Variants in PLXNB2 observed in about 807,000 individuals in gnomAD.
The protein encoded by PLXNB2 is plexin B2, also known as plexin-B2.
A neutral mutation model predicts 202.6 loss-of-function variants in PLXNB2; 85 were observed. The observed-to-expected ratio is 0.42, with a 90% CI of 0.35 to 0.50. The LOEUF (loss-of-function observed/expected upper bound fraction) is 0.50. Among genes scored for constraint, PLXNB2 ranks in the 20% least tolerant of loss-of-function variants. PLXNB2 has a pLI of 0.02. For missense variants in PLXNB2, 2,063 were observed against 2,586.2 expected (o/e 0.80, Z 4.39); for synonymous variants, 1,239 against 1,137.6 (o/e 1.09, Z -1.79).
In PLXNB2 at chr22:50,291,104, G is replaced by C. The variant is rs2147548688; in HGVS notation, c.-13-507C>G. Among the ~76,000 whole-genome samples the C allele has an allele frequency of 2.6e-5, 4 of 152,330 alleles. No individual in the cohort carries two copies. In the South Asian group the frequency reaches 8.3e-4, roughly 32 times the overall value. ...CACGGGAAACCAGAGGCTCAGGTGAGAGCGAGGGGTGCCCTGTGCATAGCC... is the reference window on the plus strand; with the variant it reads ...CACGGGAAACCAGAGGCTCAGGTGACAGCGAGGGGTGCCCTGTGCATAGCC... On this transcript the variant is annotated intron_variant, in intron 2 of 36. Coordinates refer to ENST00000359337, the MANE Select transcript of PLXNB2 (RefSeq NM_012401.4). The surrounding 1 kb of genome is among the most constrained non-coding windows in gnomAD (Gnocchi z 4.3).
intron 35 of PLXNB2, 148 bp from the exon 36 acceptor site, chr22:50,276,111 C>T (rs968566526): frequency 2.9e-6 from 2 of 681,908 alleles, no homozygotes; most frequent in South Asian, 1.6e-5. Flanking sequence ...CCCCATGTGG[C>T]ACAGCCTCAG....
At chr22:50,307,468 G>A (rs1055914486) in intron 1 of PLXNB2, 85 bp downstream of exon 1, 10 of 771,704 alleles carry the variant, frequency 1.3e-5, no homozygotes, top group Non-Finnish European at 1.6e-5. Flanking sequence ...CAGCGCGGCA[G>A]GCCCGGGCGG....
intron 18 of PLXNB2, 29 bp downstream of exon 18, chr22:50,282,682 A>T (rs1468978762): frequency 9.9e-6 from 15 of 1,516,362 alleles, no homozygotes; most frequent in Non-Finnish European, 1.4e-5. Context: ...TGTGGGGAGC[A>T]GAGGGGGGCG....
In PLXNB2 at chr22:50,289,285, C is replaced by G; in HGVS notation, c.1069-143G>C. 4.3e-6 allele frequency: 4 copies of G among 931,498 alleles called. No individual in the cohort carries two copies. Among genetic ancestry groups the G allele is most frequent in the Non-Finnish European group, 6.3e-6 (4 of 639,360 alleles). 57.7% of individuals were successfully genotyped at this position (931,498 alleles called of 1,614,324 possible). A position where few individuals can be genotyped will look rare whatever the true frequency, so the allele number is the denominator to read the frequency against. On this transcript the variant is annotated intron_variant, in intron 3 of 36. Coordinates refer to ENST00000359337, the MANE Select transcript of PLXNB2 (RefSeq NM_012401.4). The surrounding 1 kb of genome is among the most constrained non-coding windows in gnomAD (Gnocchi z 8.0). Reference sequence around the variant, plus strand: ...GTCCCCGAGAACAGAACCCACATGGCAGGGAGCCCCACCGTGCTCACTGTT... The same window carrying G: ...GTCCCCGAGAACAGAACCCACATGGGAGGGAGCCCCACCGTGCTCACTGTT...
chr22:50,278,368 C>T (rs1601677807), intron 30 of PLXNB2, 67 bp downstream of exon 30: 1 of 1,565,540 alleles, frequency 6.4e-7, no homozygotes, highest in Admixed American at 1.8e-5. Context: ...TGCATGTGTC[C>T]AGGGCAGACA....
chr22:50,283,081 G>A lies in PLXNB2; in HGVS notation c.2785C>T (p.Arg929Trp), dbSNP rs747944816. ...CACGGGACGCCGTTGAGGGTCACCC[G>A]CACGTCCTCCTGGGAGCCCGTGTCC... is the stretch of plus-strand genomic sequence containing the variant. ...HLDTGSQEDVRVTLNGVPCKV... is the reference protein window; with the variant it reads ...HLDTGSQEDVWVTLNGVPCKV... Residue 929 changes from arginine (R) to tryptophan (W), a missense_variant, in exon 17 of 37, where the codon CGG becomes TGG. Arg to Trp is a moderately radical substitution (Grantham distance 101). Coordinates refer to ENST00000359337, the MANE Select transcript of PLXNB2 (RefSeq NM_012401.4). The A allele has an allele frequency of 6.5e-5, 104 of 1,609,080 alleles. No individual in the cohort carries two copies. Among genetic ancestry groups the A allele is most frequent in the South Asian group, 4.4e-4 (40 of 90,350 alleles).
chr22:50,278,551 C>T, intron 29 of PLXNB2, 32 bp from the exon 30 acceptor site: 1 of 1,591,078 alleles, frequency 6.3e-7, no homozygotes. Flanking sequence ...GTGGGCTGTG[C>T]CCCCAGGGTG....
At chr22:50,281,249 G>T in intron 22 of PLXNB2, 60 bp from the exon 23 acceptor site, 2 of 1,568,582 alleles carry the variant, frequency 1.3e-6, no homozygotes, top group South Asian at 1.1e-5. Flanking sequence ...CTGCCCGGAT[G>T]AGGAGGTGGA....
intron 9 of PLXNB2, 28 bp downstream of exon 9, chr22:50,286,145 G>A: frequency 3.7e-6 from 6 of 1,610,254 alleles, no homozygotes; most frequent in South Asian, 1.1e-5. Flanking sequence ...GACGGGCAGG[G>A]TGGGGTCGAT....
Position 50,289,518 on chromosome 22 carries a change from G to A in PLXNB2, c.1067C>T (p.Pro356Leu), listed in dbSNP as rs565122764. 22 of 1,607,004 alleles carry A rather than the reference G, an allele frequency of 1.4e-5. No homozygotes were observed. In the African/African-American group the frequency reaches 2.1e-4, roughly 16 times the overall value. Reference sequence around the variant, plus strand: ...GCGAGAACACACTGAGGCCCATACCGGCGCGTGGCCGCCGCACTGGATATC... The same window carrying A: ...GCGAGAACACACTGAGGCCCATACCAGCGCGTGGCCGCCGCACTGGATATC... The part of the protein sequence containing the change: ...HGDIQCGGHA[P>L]GSSKSFPCGS... The change falls in exon 3 of 37, where the codon CCG becomes CTG. Residue 356 changes from proline to leucine, a missense_variant and splice_region_variant. Transcript: ENST00000359337. This position sits in a 1 kb window ranked among gnomAD's most constrained non-coding sequence, Gnocchi z 8.0.
chr22:50,283,871 T>G lies in PLXNB2; in HGVS notation c.2383A>C (p.Asn795His). Reference protein sequence around the residue: ...QSRCVYEALCNTTSECPPPVI... With the variant: ...QSRCVYEALCHTTSECPPPVI... The stretch of plus-strand genomic sequence containing the variant: ...GGCGGCGGGCACTCGGAGGTGGTGT[T>G]GCACAGGGCCTCATACACGCACCTG... Residue 795 changes from asparagine to histidine, a missense_variant, in exon 14 of 37, where the codon AAC becomes CAC. By Grantham distance (68) the Asn-to-His change is moderately conservative. Around this residue, in one of 2 missense-constraint regions of PLXNB2, gnomAD observed 1,303 missense variants for 1,476.8 expected, o/e 0.88. Coordinates refer to ENST00000359337, the MANE Select transcript of PLXNB2 (RefSeq NM_012401.4). The G allele has an allele frequency of 6.2e-7, 1 of 1,607,946 alleles. No homozygotes were observed. The highest frequency in any genetic ancestry group is 1.1e-5 in the South Asian group (1 of 90,260).
Position 50,276,103 on chromosome 22 carries a change from C to G in PLXNB2, c.5338-140G>C, listed in dbSNP as rs1245323832. On this transcript the variant is annotated intron_variant, in intron 35 of 36. Transcript: ENST00000359337. ...GGGCACAGCTGGCACTTGGGGCCCC[C>G]CATGTGGCACAGCCTCAGACAGACA... The G allele has an allele frequency of 5.6e-6, 4 of 710,500 alleles. No individual in the cohort carries two copies. In the Admixed American group the frequency reaches 8.8e-5, roughly 16 times the overall value. 44.0% of individuals were successfully genotyped at this position (710,500 alleles called of 1,614,324 possible).
chr22:50,287,940 C>T lies in PLXNB2; in HGVS notation c.1478G>A (p.Gly493Glu). The T allele has an allele frequency of 6.3e-7, 1 of 1,585,346 alleles. No individual in the cohort carries two copies. Among genetic ancestry groups the T allele is most frequent in the Non-Finnish European group, 8.6e-7 (1 of 1,167,066 alleles). ...CCGAGCCACCCCAGGCACTCACCGT[C>T]CCTCGACGACGCACCAGCCGCAGTA... ...DPYCGWCVVE[G>E]RCTRKAECPR... Residue 493 changes from glycine (G) to glutamate (E), a missense_variant, in exon 6 of 37, where the codon GGA (glycine) becomes GAA (glutamate). Gly to Glu is a moderately conservative substitution (Grantham distance 98, BLOSUM62 -2). Coordinates refer to ENST00000359337, the MANE Select transcript of PLXNB2 (RefSeq NM_012401.4).
rs370400977 is a variant in PLXNB2, at chr22:50,278,207, G to A, written c.4797C>T (p.Asp1599=). ...WHLVRPTDEV[D]EGKSKRGSVK... is the part of the protein sequence containing the mutation. The stretch of plus-strand genomic sequence containing the variant: ...CGCTGCCTCTCTTGGACTTGCCCTC[G>A]TCCACCTCGTCGGTCGGCCGCACCA... Residue 1599 remains aspartate, a synonymous_variant, in exon 31 of 37, where the codon GAC becomes GAT. Transcript: ENST00000359337. The A allele has an allele frequency of 1.2e-5, 19 of 1,608,850 alleles. No homozygotes were observed. The highest frequency in any genetic ancestry group is 1.6e-4 in the Middle Eastern group (1 of 6,084).
chr22:50,295,832 G>A (rs561028995), intron 1 of PLXNB2, among the ~76,000 whole-genome samples: 10 of 152,090 alleles, frequency 6.6e-5, no homozygotes, highest in Admixed American at 3.3e-4. Context: ...GGCTGGGTGC[G>A]GTGGCTCACA....
Position 50,275,931 on chromosome 22 carries a change from TG to T in PLXNB2, c.5369del (p.Ala1790AspfsTer63). 1 of 1,612,200 alleles carries T rather than the reference TG, an allele frequency of 6.2e-7. No homozygotes were observed. The highest frequency in any genetic ancestry group is 8.5e-7 in the Non-Finnish European group (1 of 1,179,778). On this transcript the variant is annotated frameshift_variant, in exon 36 of 37. Transcript: ENST00000359337. LOFTEE classifies it high-confidence loss of function. ...GCGTGTATTGGTAGAGCTGGTGGAG[TG>T]CCACGAGGGTGTTCAAGGAGTCCGT... ...AHTDSLNTLV[A>X]LHQLYQYTQK...
chr22:50,279,869 A>C, intron 26 of PLXNB2, 93 bp from the exon 27 acceptor site: 1 of 1,501,990 alleles, frequency 6.7e-7, no homozygotes, highest in Non-Finnish European at 9.2e-7. Context: ...GACGGGGCTG[A>C]CCATGTCAGG....
intron 1 of PLXNB2, among the ~76,000 whole-genome samples, chr22:50,302,216 C>T (rs2067729060): frequency 6.6e-6 from 1 of 152,136 alleles, no homozygotes; most frequent in Admixed American, 6.5e-5. Flanking sequence ...GGACCTGGGT[C>T]CAGGCCAAGG....
rs79966207 is a variant in PLXNB2, at chr22:50,283,979, T to C, written c.2275A>G (p.Asn759Asp). The C allele has an allele frequency of 0.15, 239,296 of 1,544,278 alleles. 20,155 individuals carry two copies. The highest frequency in any genetic ancestry group is 0.18 in the Non-Finnish European group (202,563 of 1,148,288). ...IDSKLHVTLYNCSFGRSDCSL... is the reference protein window; with the variant it reads ...IDSKLHVTLYDCSFGRSDCSL... ...CAGTCGCTGCGGCCAAAGGAGCAGT[T>C]GTAGAGGGTCACTGCGGGGAGAGCT... Residue 759 changes from asparagine (N) to aspartate (D), a missense_variant, in exon 14 of 37, where the codon AAC (asparagine) becomes GAC (aspartate). By Grantham distance (23) the Asn-to-Asp change is conservative. This residue lies in a region of PLXNB2 where 1,303 missense variants were observed against 1,476.8 expected (regional missense o/e 0.88). Coordinates refer to ENST00000359337, the MANE Select transcript of PLXNB2 (RefSeq NM_012401.4).
Sources: gnomAD v4.1 joint callset for allele counts (sites outside exome capture counted in the v4.1 genomes callset) on GRCh38, gnomAD v4.1.1 for gene constraint, gnomAD v4.1.1 regional missense constraint, Gnocchi (gnomAD v3.1) non-coding constraint, MANE v1.5 for transcripts, NCBI Gene and HGNC (gene_info 2026-07-23, HGNC 2026-07-21) for gene names.